Variants in KIAA1549 observed in about 807,000 individuals in gnomAD.
KIAA1549 encodes KIAA1549.
A neutral mutation model predicts 156.4 loss-of-function variants in KIAA1549; 70 were observed. The observed-to-expected ratio is 0.45, with a 90% confidence interval of 0.37 to 0.55. The LOEUF (loss-of-function observed/expected upper bound fraction) is 0.55, where lower values mean the gene tolerates loss of function less well. Among genes scored for constraint, KIAA1549 ranks in the 20% least tolerant of loss-of-function variants. The probability of loss-of-function intolerance (pLI) is 0.00; values close to 1 mark genes in which losing one functional copy is unlikely to be tolerated. For missense variants in KIAA1549, 2,428 were observed against 2,540.9 expected (o/e 0.96, Z 0.96); for synonymous variants, 1,103 against 1,066.4 (o/e 1.03, Z -0.67).
chr7:138,871,266 C>T lies in KIAA1549; in HGVS notation c.4442G>A (p.Arg1481Gln), dbSNP rs866370222. Residue 1481 changes from arginine to glutamine, a missense_variant, in exon 13 of 20, where the codon CGG becomes CAG. This residue lies in a region of KIAA1549 where 404 missense variants were observed against 417.0 expected (regional missense o/e 0.97). Coordinates refer to ENST00000422774, the MANE Select transcript of KIAA1549 (RefSeq NM_001164665.2). ...RISRPPEASR[R>Q]VPSKIQLIAM... ...GATAAGCTGGATCTTACTGGGGACC[C>T]GCCGGCTAGCCTCCGGGGGGCGGGA... 1.5e-5 allele frequency: 24 copies of T among 1,611,732 alleles called. No homozygotes were observed. The highest frequency in any genetic ancestry group is 2.2e-5 in the East Asian group (1 of 44,866).
chr7:138,860,684 T>A (rs1810544794), intron 16 of KIAA1549, among the ~76,000 whole-genome samples: 1 of 152,350 alleles, frequency 6.6e-6, no homozygotes, highest in East Asian at 1.9e-4. Context: ...ACGTGGGGAC[T>A]GGCTGCCTAC....
At chr7:138,956,420 C>T (rs538107315) in intron 1 of KIAA1549, among the ~76,000 whole-genome samples, 18 of 152,284 alleles carry the variant, frequency 1.2e-4, no homozygotes, top group Admixed American at 9.2e-4. Context: ...CTGTGTCCCA[C>T]CCAAATCTCA....
At position 138,837,959 on chromosome 7, in the gene KIAA1549, C is replaced by A. The variant is rs1279130364; in HGVS notation, c.5800G>T (p.Glu1934Ter). 1 of 1,613,704 alleles carries A rather than the reference C, an allele frequency of 6.2e-7. No homozygotes were observed. Among genetic ancestry groups the A allele is most frequent in the Non-Finnish European group, 8.5e-7 (1 of 1,179,876 alleles). ...TGTTTCTGGGAGAGCCGGAGGAGCT[C>A]CTCGCGGATTGCTTTGATGAGAGAG... ...SASLIKAIRE[E>*]LLRLSQKQST... Residue 1934 changes from glutamate (E) to a stop codon, truncating the protein, a stop_gained, in exon 20 of 20, where the codon GAG becomes TAG. Coordinates refer to ENST00000422774, the MANE Select transcript of KIAA1549 (RefSeq NM_001164665.2). LOFTEE classifies it high-confidence loss of function.
intron 17 of KIAA1549, among the ~76,000 whole-genome samples, chr7:138,846,509 G>A (rs1393998004): frequency 2.9e-5 from 4 of 138,002 alleles, no homozygotes; most frequent in Non-Finnish European, 6.1e-5. Context: ...ACTCCAGCCT[G>A]GGTGATGGAG....
chr7:138,918,261 C>T lies in KIAA1549; in HGVS notation c.1365G>A (p.Val455=). 1 of 1,614,010 alleles carries T rather than the reference C, an allele frequency of 6.2e-7. No homozygotes were observed. The highest frequency in any genetic ancestry group is 8.5e-7 in the Non-Finnish European group (1 of 1,179,894). The change falls in exon 2 of 20, where the codon GTG becomes GTA. Residue 455 remains valine (V), a synonymous_variant. Transcript: ENST00000422774. The surrounding 1 kb of genome is among the most constrained non-coding windows in gnomAD (Gnocchi z 4.2). ...GDGAETLCMT[V]LEESSISLMS... Reference sequence around the variant, plus strand: ...TTAGAGAGATGCTGCTTTCTTCCAGCACGGTCATGCACAGAGTCTCGGCAC... The same window carrying T: ...TTAGAGAGATGCTGCTTTCTTCCAGTACGGTCATGCACAGAGTCTCGGCAC...
intron 15 of KIAA1549, among the ~76,000 whole-genome samples, chr7:138,864,286 T>C (rs1394616677): frequency 6.6e-6 from 1 of 152,144 alleles, no homozygotes; most frequent in African/African-American, 2.4e-5. Context: ...GCCAATCTCA[T>C]TCTCAGTGGC....
intron 10 of KIAA1549, among the ~76,000 whole-genome samples, 198 bp downstream of exon 10, chr7:138,894,144 T>C (rs1811615304): frequency 6.6e-6 from 1 of 152,200 alleles, no homozygotes; most frequent in African/African-American, 2.4e-5. Flanking sequence ...TTTCACATTC[T>C]TGGACTGTAT....
chr7:138,938,482 T>C (rs1813082903), intron 1 of KIAA1549, among the ~76,000 whole-genome samples: 1 of 152,198 alleles, frequency 6.6e-6, no homozygotes, highest in Non-Finnish European at 1.5e-5. Flanking sequence ...GCCTACTGAT[T>C]AGCAATTATC....
intron 1 of KIAA1549, among the ~76,000 whole-genome samples, chr7:138,954,988 A>G (rs1341757890): frequency 6.6e-6 from 1 of 152,188 alleles, no homozygotes; most frequent in Non-Finnish European, 1.5e-5. Context: ...CACAGACAGC[A>G]GCAGGCCTCG....
At chr7:138,950,362 T>A (rs1162803600) in intron 1 of KIAA1549, among the ~76,000 whole-genome samples, 1 of 152,142 alleles carries the variant, frequency 6.6e-6, no homozygotes, top group African/African-American at 2.4e-5. Context: ...GCCACTCAAC[T>A]AAGCTGGTCA....
chr7:138,930,562 G>A (rs1002559252), intron 1 of KIAA1549, among the ~76,000 whole-genome samples: 7 of 152,298 alleles, frequency 4.6e-5, no homozygotes, highest in East Asian at 1.9e-4. Flanking sequence ...TTCTATGTAC[G>A]GAGAAGCTTC....
At chr7:138,928,019 C>T (rs921208927) in intron 1 of KIAA1549, among the ~76,000 whole-genome samples, 3 of 150,046 alleles carry the variant, frequency 2.0e-5, no homozygotes, top group African/African-American at 7.4e-5. Context: ...TTCCTGGGTT[C>T]ACGCCATTCT....
Position 138,832,070 on chromosome 7 carries a change from C to G in KIAA1549, c.*5836G>C, listed in dbSNP as rs1240538209. On this transcript the variant is annotated 3_prime_UTR_variant, in exon 20 of 20. Coordinates refer to ENST00000422774, the MANE Select transcript of KIAA1549 (RefSeq NM_001164665.2). ...GAGTCAAGTTATGAATACTTGAAAT[C>G]TGGTAAGTACAGGAAAGACTATTCG... The G allele has an allele frequency of 8.7e-6, 2 of 229,870 alleles. No homozygotes were observed. Among genetic ancestry groups the G allele is most frequent in the African/African-American group, 4.4e-5 (2 of 45,090 alleles). The allele number at this position is 229,870 out of a possible 1,614,324, so 14.2% of individuals were successfully genotyped here.
intron 17 of KIAA1549, among the ~76,000 whole-genome samples, chr7:138,847,733 T>G (rs1810120128): frequency 6.6e-6 from 1 of 152,232 alleles, no homozygotes; most frequent in Non-Finnish European, 1.5e-5. Context: ...CCTTTGCATT[T>G]CCAGATAAAT....
chr7:138,958,509 A>G (rs1396257788), intron 1 of KIAA1549, among the ~76,000 whole-genome samples: 1 of 152,220 alleles, frequency 6.6e-6, no homozygotes, highest in Non-Finnish European at 1.5e-5. Flanking sequence ...AGAAGTGGAA[A>G]CTGACATATA....
At chr7:138,907,655 G>A (rs776363541) in intron 5 of KIAA1549, among the ~76,000 whole-genome samples, 3 of 152,154 alleles carry the variant, frequency 2.0e-5, no homozygotes, top group Admixed American at 2.0e-4. Flanking sequence ...AGAGCTGAGT[G>A]TATTGCCTTC....
intron 1 of KIAA1549, among the ~76,000 whole-genome samples, chr7:138,921,498 G>A (rs1198994964): frequency 6.6e-6 from 1 of 152,200 alleles, no homozygotes; most frequent in Non-Finnish European, 1.5e-5. Context: ...GGTCAGTGTA[G>A]ATGTAATTAG....
At position 138,979,010 on chromosome 7, in the gene KIAA1549, G is replaced by A. The variant is rs114436169; in HGVS notation, c.187+2073C>T. 8.4e-3 allele frequency among the ~76,000 whole-genome samples: 1,274 copies of A among 152,266 alleles called. 18 individuals carry two copies. Among genetic ancestry groups the A allele is most frequent in the African/African-American group, 0.029 (1,196 of 41,544 alleles). ...ATAAGGAATCCTGCCTTTCCTGTCC[G>A]GGAATGGTCTGTGCAAGGGTTTGTA... On this transcript the variant is annotated intron_variant, in intron 1 of 19. Coordinates refer to ENST00000422774, the MANE Select transcript of KIAA1549 (RefSeq NM_001164665.2).
rs374243471 is a variant in KIAA1549 at position 138,838,015 on chromosome 7, G to A, written c.5744C>T (p.Thr1915Met). ...GPGLGYPTSS[T>M]EDLQPGHSSA... ...GGAGTGGCCAGGCTGGAGGTCTTCC[G>A]TGGAGCTGGTGGGGTAACCCAGCCC... The change falls in exon 20 of 20, where the codon ACG (threonine) becomes ATG (methionine). Residue 1915 changes from threonine (T) to methionine (M), a missense_variant. Coordinates refer to ENST00000422774, the MANE Select transcript of KIAA1549 (RefSeq NM_001164665.2). The A allele has an allele frequency of 2.3e-5, 37 of 1,610,140 alleles. No homozygotes were observed. Among genetic ancestry groups the A allele is most frequent in the Middle Eastern group, 1.6e-4 (1 of 6,068 alleles).
Sources: allele counts gnomAD v4.1 joint callset (sites outside exome capture counted in the v4.1 genomes callset), GRCh38; gene constraint gnomAD v4.1.1; regional missense constraint gnomAD v4.1.1; non-coding constraint Gnocchi (gnomAD v3.1); transcripts MANE v1.5; gene names NCBI Gene and HGNC (gene_info 2026-07-23, HGNC 2026-07-21).